Variants in ZNF385B observed in about 807,000 individuals in gnomAD.
ZNF385B encodes the protein zinc finger protein 533.
A neutral mutation model predicts 39.2 loss-of-function variants in ZNF385B; 23 were observed. The ratio of observed to expected loss-of-function variants is 0.59; its 90% CI spans 0.42 to 0.83. The LOEUF (loss-of-function observed/expected upper bound fraction) is 0.83, where lower values mean the gene tolerates loss of function less well. Among genes scored for constraint, ZNF385B ranks in the 40% least tolerant of loss-of-function variants. The pLI, the probability that ZNF385B is intolerant of heterozygous loss-of-function variation, is 0.00. For missense variants in ZNF385B, 552 were observed against 598.9 expected, an observed-to-expected ratio of 0.92 and a Z score of 0.82; for synonymous variants, 205 against 222.6, an observed-to-expected ratio of 0.92 and a Z score of 0.70.
At chr2:179,498,032 C>G (rs1344989896) in intron 5 of ZNF385B, among the ~76,000 whole-genome samples, 2 of 152,024 alleles carry the variant, frequency 1.3e-5, no homozygotes, top group Non-Finnish European at 2.9e-5. Flanking sequence ...TATACATGCA[C>G]CCAACATGGG....
At chr2:179,626,362 A>T (rs1456653326) in intron 3 of ZNF385B, among the ~76,000 whole-genome samples, 1 of 152,164 alleles carries the variant, frequency 6.6e-6, no homozygotes, top group African/African-American at 2.4e-5. Flanking sequence ...GGGATAGATG[A>T]TACAGCACAC....
intron 3 of ZNF385B, among the ~76,000 whole-genome samples, chr2:179,697,654 C>A (rs571974242): frequency 1.2e-4 from 18 of 152,332 alleles, no homozygotes; most frequent in African/African-American, 4.1e-4. Context: ...CCTGCCTGTG[C>A]TATCTGATCC....
intron 1 of ZNF385B, among the ~76,000 whole-genome samples, chr2:179,784,318 G>A (rs1435366777): frequency 1.3e-5 from 2 of 152,002 alleles, no homozygotes; most frequent in Non-Finnish European, 2.9e-5. Context: ...GTCTACTTTA[G>A]GGGGAAGAAT....
chr2:179,722,153 G>A (rs1700735810), intron 3 of ZNF385B, among the ~76,000 whole-genome samples: 1 of 152,084 alleles, frequency 6.6e-6, no homozygotes, highest in East Asian at 1.9e-4. Flanking sequence ...ATAACGAGAT[G>A]TGTGAGCCAT....
At chr2:179,803,866 C>T (rs1706187151) in intron 1 of ZNF385B, among the ~76,000 whole-genome samples, 1 of 152,068 alleles carries the variant, frequency 6.6e-6, no homozygotes, top group African/African-American at 2.4e-5. Flanking sequence ...AAAATTCACT[C>T]AGGTTGTGCT....
At chr2:179,610,173 T>C (rs571070988) in intron 3 of ZNF385B, among the ~76,000 whole-genome samples, 1 of 152,278 alleles carries the variant, frequency 6.6e-6, no homozygotes, top group South Asian at 2.1e-4. Context: ...TATGTTTTAT[T>C]TTACTAGTTT....
At chr2:179,445,482 T>C (rs2049379989) in intron 8 of ZNF385B, 68 bp downstream of exon 8, 1 of 1,488,062 alleles carries the variant, frequency 6.7e-7, no homozygotes, top group Non-Finnish European at 9.1e-7. Context: ...AACCATTCTA[T>C]AGATGAGAAG....
chr2:179,562,507 A>T, intron 3 of ZNF385B: 3 of 985,396 alleles, frequency 3.0e-6, no homozygotes, highest in Non-Finnish European at 2.4e-6. Flanking sequence ...GCTCCCGTGA[A>T]ATGTGGTGCT....
intron 1 of ZNF385B, among the ~76,000 whole-genome samples, chr2:179,859,290 C>G (rs981128211): frequency 1.3e-5 from 2 of 152,074 alleles, no homozygotes; most frequent in African/African-American, 4.8e-5. Flanking sequence ...AAGAAAAATA[C>G]ATTAAATTCA....
At chr2:179,819,987 C>CA (rs1707307840) in intron 1 of ZNF385B, among the ~76,000 whole-genome samples, 1 of 152,076 alleles carries the variant, frequency 6.6e-6, no homozygotes, top group African/African-American at 2.4e-5. Context: ...AGCACACTGT[C>CA]AAAAATAAGT....
intron 3 of ZNF385B, among the ~76,000 whole-genome samples, chr2:179,620,843 T>C (rs12622221): frequency 0.036 from 5,498 of 152,234 alleles, 326 homozygotes; most frequent in East Asian, 0.24. Flanking sequence ...CAGTTTGCAT[T>C]TTCTTTGTAC....
intron 5 of ZNF385B, among the ~76,000 whole-genome samples, chr2:179,486,995 T>C (rs1221642918): frequency 2.6e-5 from 4 of 152,230 alleles, no homozygotes; most frequent in Admixed American, 2.0e-4. Context: ...TCATAAGACC[T>C]GCTAAAAACT....
chr2:179,651,985 A>G (rs565900244), intron 3 of ZNF385B, among the ~76,000 whole-genome samples: 1 of 152,286 alleles, frequency 6.6e-6, no homozygotes, highest in Admixed American at 6.5e-5. Flanking sequence ...GAAAGAGCCA[A>G]ATTGTGTGCC....
At chr2:179,488,183 T>G (rs1483019946) in intron 5 of ZNF385B, among the ~76,000 whole-genome samples, 1 of 152,184 alleles carries the variant, frequency 6.6e-6, no homozygotes, top group Admixed American at 6.6e-5. Context: ...CTCACTCTGT[T>G]GCCAGGCTGG....
intron 6 of ZNF385B, among the ~76,000 whole-genome samples, chr2:179,458,997 G>A (rs12988031): frequency 0.15 from 22,778 of 152,138 alleles, 1,852 homozygotes; most frequent in African/African-American, 0.2. Context: ...GAACTCAGAA[G>A]GAGAGAAAAT....
At chr2:179,856,273 C>T (rs996226345) in intron 1 of ZNF385B, among the ~76,000 whole-genome samples, 7 of 152,066 alleles carry the variant, frequency 4.6e-5, no homozygotes, top group African/African-American at 1.4e-4. Flanking sequence ...GAACCTGAAA[C>T]AGGAACACCA....
intron 6 of ZNF385B, among the ~76,000 whole-genome samples, chr2:179,473,516 C>T (rs1213973738): frequency 6.5e-4 from 99 of 152,246 alleles, no homozygotes; most frequent in Non-Finnish European, 8.8e-5. Context: ...TAGGTATTAG[C>T]ACTCCCATTT....
chr2:179,773,043 G>A (rs1393555064), intron 1 of ZNF385B, among the ~76,000 whole-genome samples: 1 of 152,174 alleles, frequency 6.6e-6, no homozygotes, highest in African/African-American at 2.4e-5. Context: ...ATTCAAACTG[G>A]ACAGTCAGGG....
rs35217757 is a variant in ZNF385B, at chr2:179,485,784, GA to G, written c.553-2351del. 3.9e-5 allele frequency among the ~76,000 whole-genome samples: 6 copies of G among 152,092 alleles called. No individual in the cohort carries two copies. The South Asian group carries it at 8.3e-4, about 21-fold the overall frequency. On this transcript the variant is annotated intron_variant, in intron 5 of 9. Transcript: ENST00000410066. ...TCTTGTAGGGCGGGAGGTGGCTGGG[GA>G]AAAAAATATTGCTTTGGTAGTAGTG...
Sources: allele counts gnomAD v4.1 joint callset (sites outside exome capture counted in the v4.1 genomes callset), GRCh38; gene constraint gnomAD v4.1.1; transcripts MANE v1.5; gene names NCBI Gene and HGNC (gene_info 2026-07-23, HGNC 2026-07-21).